Variants in TEX11 observed in about 807,000 individuals in gnomAD.
TEX11 encodes the protein testis-expressed protein 11.
TEX11 carries 7 observed loss-of-function variants against 84.4 expected under a neutral mutation model. That is an observed-to-expected ratio of 0.08 (90% CI 0.05 to 0.16). The LOEUF (loss-of-function observed/expected upper bound fraction) is 0.16. Among genes scored for constraint, TEX11 ranks in the 10% least tolerant of loss-of-function variants. The probability of loss-of-function intolerance (pLI) is 1.00; values close to 1 mark genes in which losing one functional copy is unlikely to be tolerated. For missense variants in TEX11, 551 were observed against 660.5 expected (o/e 0.83, Z 1.82); for synonymous variants, 264 against 222.8 (o/e 1.18, Z -1.64).
the TEX11 span, among the ~76,000 whole-genome samples, chrX:70,518,090 A>C: frequency 2.1e-3 from 218 of 105,769 alleles, no homozygotes; most frequent in African/African-American, 7.1e-3. Context: ...GGACTTATTG[A>C]TTTTTTGAAG....
chrX:70,544,325 G>A (rs1209767933), intron 28 of TEX11, among the ~76,000 whole-genome samples: 1 of 111,365 alleles, frequency 9.0e-6, no homozygotes, highest in Non-Finnish European at 1.9e-5. Flanking sequence ...CTGAGTTTGA[G>A]ACCAGCCTGG....
intron 8 of TEX11, among the ~76,000 whole-genome samples, chrX:70,809,698 T>C: frequency 9.0e-6 from 1 of 110,845 alleles, no homozygotes; most frequent in Non-Finnish European, 1.9e-5. Flanking sequence ...TTTTCGGGGT[T>C]AGTTTTGTTT....
intron 13 of TEX11, among the ~76,000 whole-genome samples, chrX:70,701,316 A>G (rs1262165691): frequency 1.8e-5 from 2 of 111,968 alleles, no homozygotes; most frequent in African/African-American, 6.5e-5. Context: ...GTTGAAACCA[A>G]TGCTTATTTA....
At chrX:70,728,182 T>C (rs2090614001) in intron 11 of TEX11, among the ~76,000 whole-genome samples, 1 of 112,444 alleles carries the variant, frequency 8.9e-6, no homozygotes, top group African/African-American at 3.2e-5. Flanking sequence ...AAGCCATGGG[T>C]TGGAGCCAAG....
intron 9 of TEX11, among the ~76,000 whole-genome samples, chrX:70,753,203 G>A (rs1407565990): frequency 1.0e-5 from 1 of 96,485 alleles, no homozygotes; most frequent in African/African-American, 3.7e-5. Context: ...TGGGTGGGGG[G>A]GGTGGGCGGC....
chrX:70,871,555 A>T (rs1236752759), intron 4 of TEX11, among the ~76,000 whole-genome samples: 3 of 112,379 alleles, frequency 2.7e-5, no homozygotes, highest in African/African-American at 9.7e-5. Context: ...TAAGGAAACA[A>T]AATATATTCC....
intron 13 of TEX11, among the ~76,000 whole-genome samples, chrX:70,693,753 AAG>A (rs2090256528): frequency 8.9e-6 from 1 of 112,014 alleles, no homozygotes; most frequent in African/African-American, 3.2e-5. Flanking sequence ...GAAATTTGCT[AAG>A]AGAGTGGATC....
At chrX:70,772,949 A>G (rs1017001220) in intron 9 of TEX11, among the ~76,000 whole-genome samples, 1 of 110,736 alleles carries the variant, frequency 9.0e-6, no homozygotes, top group Non-Finnish European at 1.9e-5. Flanking sequence ...CAGAGGGACA[A>G]AAAAAGAATG....
At chrX:70,683,187 T>C (rs2090160321) in intron 13 of TEX11, among the ~76,000 whole-genome samples, 1 of 111,864 alleles carries the variant, frequency 8.9e-6, no homozygotes, top group Non-Finnish European at 1.9e-5. Flanking sequence ...CCAAAACCTC[T>C]TTCTAAAAAC....
At chrX:70,756,722 T>C (rs1267260469) in intron 9 of TEX11, among the ~76,000 whole-genome samples, 1 of 111,807 alleles carries the variant, frequency 8.9e-6, no homozygotes, top group African/African-American at 3.2e-5. Flanking sequence ...CTCCAAAGGA[T>C]TGGAGCTTCT....
At chrX:70,900,508 C>A (rs1197152267) in intron 2 of TEX11, among the ~76,000 whole-genome samples, 1 of 109,484 alleles carries the variant, frequency 9.1e-6, no homozygotes, top group African/African-American at 3.3e-5. Context: ...GTGCCTACAT[C>A]AAAAAAGAGG....
chrX:70,605,792 G>GTAT (rs1361278392), intron 23 of TEX11, among the ~76,000 whole-genome samples: 1 of 111,696 alleles, frequency 9.0e-6, no homozygotes, highest in African/African-American at 3.2e-5. Context: ...ATTCGCCCTT[G>GTAT]TATTTCTATC....
chrX:70,655,321 A>T (rs2089853603), intron 16 of TEX11, among the ~76,000 whole-genome samples: 1 of 111,158 alleles, frequency 9.0e-6, no homozygotes, highest in African/African-American at 3.3e-5. Flanking sequence ...TGACTTTACC[A>T]CGGGTTTATC....
intron 18 of TEX11, among the ~76,000 whole-genome samples, chrX:70,627,244 T>C (rs1436668940): frequency 9.0e-6 from 1 of 111,570 alleles, no homozygotes; most frequent in African/African-American, 3.3e-5. Flanking sequence ...AGAAGAGAAA[T>C]TGGGGAGTAG....
In TEX11 at chrX:70,715,767, G is replaced by A. The variant is rs149402235; in HGVS notation, c.1004+6851C>T. ...TCCTTTAACTTGGAGTAGTTTGATC[G>A]TCTGAAGCCTTCTTCTCTCCACTTG... On this transcript the variant is annotated intron_variant, in intron 13 of 29. Coordinates refer to ENST00000374333, the MANE Select transcript of TEX11 (RefSeq NM_031276.3). 6.7e-3 allele frequency among the ~76,000 whole-genome samples: 744 copies of A among 111,639 alleles called. 7 individuals carry two copies. Among genetic ancestry groups the A allele is most frequent in the African/African-American group, 0.022 (681 of 30,712 alleles).
intron 25 of TEX11, among the ~76,000 whole-genome samples, chrX:70,565,503 C>T (rs1015831842): frequency 3.6e-5 from 4 of 110,751 alleles, no homozygotes; most frequent in African/African-American, 1.3e-4. Flanking sequence ...AATGGTAATG[C>T]CTAGGTTTTC....
chrX:70,863,918 C>T (rs1427542785), intron 4 of TEX11, among the ~76,000 whole-genome samples: 1 of 111,620 alleles, frequency 9.0e-6, no homozygotes, highest in Non-Finnish European at 1.9e-5. Flanking sequence ...AGGAGAACTT[C>T]GTGAAGCATA....
chrX:70,613,310 A>C (rs376655474), intron 20 of TEX11, among the ~76,000 whole-genome samples: 1 of 112,040 alleles, frequency 8.9e-6, no homozygotes, highest in Non-Finnish European at 1.9e-5. Flanking sequence ...TAGGAAAGAC[A>C]GTCTTTAATC....
intron 25 of TEX11, among the ~76,000 whole-genome samples, chrX:70,584,738 A>G (rs963481549): frequency 4.4e-5 from 5 of 112,560 alleles, no homozygotes; most frequent in African/African-American, 1.6e-4. Flanking sequence ...CAAGTTCAAC[A>G]TAAGTAAATC....
Sources: allele counts gnomAD v4.1 joint callset (sites outside exome capture counted in the v4.1 genomes callset), GRCh38; gene constraint gnomAD v4.1.1; transcripts MANE v1.5; gene names NCBI Gene and HGNC (gene_info 2026-07-23, HGNC 2026-07-21).